PSD3: variants seen among roughly 807,000 people sequenced by gnomAD.
PSD3 encodes pleckstrin and Sec7 domain containing 3, also known as PH and SEC7 domain-containing protein 3.
A neutral mutation model predicts 105.5 loss-of-function variants in PSD3; 49 were observed. The ratio of observed to expected loss-of-function variants is 0.46; its 90% CI spans 0.37 to 0.59. The LOEUF is 0.59. Among genes scored for constraint, PSD3 ranks in the 20% least tolerant of loss-of-function variants. The pLI, the probability that PSD3 is intolerant of heterozygous loss-of-function variation, is 0.00. For missense variants in PSD3, 1,561 were observed against 1,263.8 expected (o/e 1.24, Z -3.57); for synonymous variants, 557 against 457.8 (o/e 1.22, Z -2.77).
intron 11 of PSD3, among the ~76,000 whole-genome samples, chr8:18,606,495 T>C (rs1475049081): frequency 6.6e-6 from 1 of 152,242 alleles, no homozygotes; most frequent in Non-Finnish European, 1.5e-5. Context: ...AGATGTTTTA[T>C]TATGGGAGAG....
chr8:18,880,724 C>T (rs554252352), intron 2 of PSD3, among the ~76,000 whole-genome samples: 10 of 152,322 alleles, frequency 6.6e-5, no homozygotes, highest in African/African-American at 2.4e-4. Flanking sequence ...TTTCAGTCTA[C>T]ATCTATTACT....
At chr8:19,082,590 G>T (rs981087584) in intron 1 of PSD3, among the ~76,000 whole-genome samples, 3 of 149,826 alleles carry the variant, frequency 2.0e-5, no homozygotes, top group Non-Finnish European at 4.5e-5. Context: ...TCTGAATTAG[G>T]TGGACAAGGG....
At chr8:18,581,519 G>A (rs900194116) in intron 12 of PSD3, among the ~76,000 whole-genome samples, 2 of 152,292 alleles carry the variant, frequency 1.3e-5, no homozygotes, top group East Asian at 1.9e-4. Flanking sequence ...GTTTTGAAAT[G>A]TGCAAATATT....
At chr8:18,707,639 T>A (rs2031080853) in intron 9 of PSD3, among the ~76,000 whole-genome samples, 1 of 152,152 alleles carries the variant, frequency 6.6e-6, no homozygotes, top group Admixed American at 6.6e-5. Context: ...CTGATAACAC[T>A]CTTGAGGTCA....
intron 9 of PSD3, among the ~76,000 whole-genome samples, chr8:18,697,160 G>A (rs180959928): frequency 1.4e-4 from 21 of 152,286 alleles, no homozygotes; most frequent in Non-Finnish European, 2.5e-4. Context: ...TTCTGCACGA[G>A]TCTTTGAAAT....
chr8:18,538,405 T>G (rs895198224), intron 15 of PSD3, among the ~76,000 whole-genome samples: 3 of 152,188 alleles, frequency 2.0e-5, no homozygotes, highest in African/African-American at 7.2e-5. Context: ...CTGAACAAGA[T>G]AATATCCACA....
At chr8:19,016,534 T>G (rs560654619), upstream of PSD3, among the ~76,000 whole-genome samples, 1 of 152,148 alleles carries the variant, frequency 6.6e-6, no homozygotes, top group Non-Finnish European at 1.5e-5. Flanking sequence ...TTTCTAAGAG[T>G]TGACAAATCC....
rs1799806560 is a variant in PSD3, at chr8:18,535,648, A to AT, written c.*94_*95insA. The AT allele has an allele frequency of 1.2e-6, 1 of 852,916 alleles. No homozygotes were observed. The highest frequency in any genetic ancestry group is 1.8e-6 in the Non-Finnish European group (1 of 557,638). 52.8% of individuals were successfully genotyped at this position (852,916 alleles called of 1,614,324 possible). A position where few individuals can be genotyped will look rare whatever the true frequency, so the allele number is the denominator to read the frequency against. On this transcript the variant is annotated 3_prime_UTR_variant, in exon 16 of 16. Transcript: ENST00000327040. ...TTACTAATGCACCGTTTTGTCACAG[A>AT]CTTTTTTTTTTTAAATATATTCACG...
intron 4 of PSD3, among the ~76,000 whole-genome samples, chr8:18,843,546 A>C (rs957278495): frequency 3.3e-5 from 5 of 152,212 alleles, no homozygotes; most frequent in African/African-American, 9.6e-5. Flanking sequence ...TTCTGGGTTT[A>C]TAATGCGTTC....
At chr8:18,689,684 GAC>G (rs1460779709) in intron 9 of PSD3, among the ~76,000 whole-genome samples, 1 of 152,216 alleles carries the variant, frequency 6.6e-6, no homozygotes, top group Non-Finnish European at 1.5e-5. Context: ...AGAGTAAAGT[GAC>G]AGAGGCTGAT....
intron 2 of PSD3, among the ~76,000 whole-genome samples, chr8:18,920,824 A>G (rs922322254): frequency 3.9e-5 from 6 of 152,018 alleles, no homozygotes; most frequent in African/African-American, 1.5e-4. Flanking sequence ...TCCATCCCCA[A>G]TCACTGTGAT....
At chr8:18,951,298 G>C (rs1823221661) in intron 1 of PSD3, among the ~76,000 whole-genome samples, 1 of 152,084 alleles carries the variant, frequency 6.6e-6, no homozygotes, top group African/African-American at 2.4e-5. Context: ...GCTACTCAGG[G>C]GGCTGAGCAG....
Position 18,532,565 on chromosome 8 carries a change from CT to C in PSD3, c.*3177del, listed in dbSNP as rs1376360247. 3 of 152,196 alleles carry C rather than the reference CT, an allele frequency of 2.0e-5. No individual in the cohort carries two copies. The highest frequency in any genetic ancestry group is 4.4e-5 in the Non-Finnish European group (3 of 68,042). 9.4% of individuals were successfully genotyped at this position (152,196 alleles called of 1,614,324 possible). A position where few individuals can be genotyped will look rare whatever the true frequency, so the allele number is the denominator to read the frequency against. On this transcript the variant is annotated 3_prime_UTR_variant, in exon 16 of 16. Transcript: ENST00000327040. Reference sequence around the variant, plus strand: ...GACTACATTTCCATCAGAGGACTCTCTCCCATCATGGTTTTGCTGAGATTAA... The same window carrying C: ...GACTACATTTCCATCAGAGGACTCTCCCCATCATGGTTTTGCTGAGATTAA...
At chr8:18,650,381 T>C (rs1008842522) in intron 10 of PSD3, among the ~76,000 whole-genome samples, 40 of 152,214 alleles carry the variant, frequency 2.6e-4, no homozygotes, top group African/African-American at 9.2e-4. Context: ...TATATAGTTT[T>C]GTTCTCCCCA....
At chr8:18,857,388 G>A (rs752979373) in intron 4 of PSD3, among the ~76,000 whole-genome samples, 2 of 152,120 alleles carry the variant, frequency 1.3e-5, no homozygotes, top group Non-Finnish European at 2.9e-5. Flanking sequence ...TTTCTAACCA[G>A]GTCCAGGTGA....
intron 12 of PSD3, among the ~76,000 whole-genome samples, chr8:18,597,170 GT>G (rs1804163496): frequency 2.1e-4 from 1 of 4,672 alleles, no homozygotes; most frequent in Admixed American, 5.6e-3. Flanking sequence ...AGGATTCCCT[GT>G]TTAATAAATG....
chr8:18,717,590 T>C (rs1221724123), intron 9 of PSD3, among the ~76,000 whole-genome samples: 7 of 152,150 alleles, frequency 4.6e-5, no homozygotes, highest in Admixed American at 4.6e-4. Context: ...AAATTTGTTA[T>C]ATTATATATT....
intron 4 of PSD3, among the ~76,000 whole-genome samples, chr8:18,839,781 G>A (rs922147682): frequency 3.3e-5 from 5 of 152,090 alleles, no homozygotes; most frequent in Admixed American, 3.3e-4. Context: ...CAACACTTGG[G>A]CTTGGCTATA....
intron 1 of PSD3, among the ~76,000 whole-genome samples, chr8:18,986,576 T>C (rs1400457838): frequency 1.3e-5 from 2 of 151,472 alleles, no homozygotes; most frequent in African/African-American, 2.4e-5. Context: ...AAAAAAAAAG[T>C]TCAATGTTTG....
Sources: allele counts gnomAD v4.1 joint callset (sites outside exome capture counted in the v4.1 genomes callset), GRCh38; gene constraint gnomAD v4.1.1; transcripts MANE v1.5; gene names NCBI Gene and HGNC (gene_info 2026-07-23, HGNC 2026-07-21).